ESRRG: variants seen among roughly 807,000 people sequenced by gnomAD.
ESRRG encodes estrogen related receptor gamma.
In ESRRG, 13 loss-of-function variants were observed where a neutral mutation model predicts 44.0. The observed-to-expected ratio is 0.30, with a 90% CI of 0.19 to 0.47. ESRRG has a LOEUF of 0.47. Ranked by LOEUF, ESRRG falls within the 20% of genes least tolerant of loss-of-function variation. ESRRG has a pLI of 1.00. For missense variants in ESRRG, 395 were observed against 580.6 expected (o/e 0.68, Z 3.29); for synonymous variants, 215 against 214.6 (o/e 1.00, Z -0.02).
At chr1:216,809,065 C>A (rs558438362) in intron 2 of ESRRG, among the ~76,000 whole-genome samples, 5 of 152,188 alleles carry the variant, frequency 3.3e-5, no homozygotes, top group African/African-American at 1.2e-4. Context: ...GGGTGCTACG[C>A]TAAATTTTTG....
intron 1 of ESRRG, among the ~76,000 whole-genome samples, chr1:217,072,317 G>A (rs1173655402): frequency 6.6e-6 from 1 of 152,160 alleles, no homozygotes; most frequent in Admixed American, 6.5e-5. Context: ...ATGTGTTACA[G>A]CAGAAGAAAA....
rs539436343 is a variant in ESRRG at position 217,102,882 on chromosome 1, G to A, written c.-230+34785C>T. Reference sequence around the variant, plus strand: ...ATGTAGGGGCGGGTGGGAAGAATGGGTCAAAGAAGGCTAAGCACAAGCTGA... The same window carrying A: ...ATGTAGGGGCGGGTGGGAAGAATGGATCAAAGAAGGCTAAGCACAAGCTGA... On this transcript the variant is annotated intron_variant, in intron 1 of 8. Transcript: ENST00000366940. 1.4e-4 allele frequency among the ~76,000 whole-genome samples: 22 copies of A among 152,226 alleles called. 1 individual carries two copies. The South Asian group carries it at 4.6e-3, about 32-fold the overall frequency.
chr1:217,003,480 A>C (rs1422837952), intron 1 of ESRRG, among the ~76,000 whole-genome samples: 2 of 151,284 alleles, frequency 1.3e-5, no homozygotes, highest in Non-Finnish European at 2.9e-5. Context: ...TACTCTAAAA[A>C]TAATAATTTA....
At chr1:217,072,592 T>C (rs2090703489) in intron 1 of ESRRG, among the ~76,000 whole-genome samples, 1 of 152,208 alleles carries the variant, frequency 6.6e-6, no homozygotes, top group Non-Finnish European at 1.5e-5. Flanking sequence ...TAAGCATCTT[T>C]CCCAAGGATT....
At chr1:216,748,635 T>C (rs748346567) in intron 2 of ESRRG, among the ~76,000 whole-genome samples, 3 of 152,200 alleles carry the variant, frequency 2.0e-5, no homozygotes, top group Non-Finnish European at 4.4e-5. Context: ...ATGAACATTT[T>C]GCCAATACAC....
chr1:216,817,552 A>T (rs2095177175), intron 2 of ESRRG, among the ~76,000 whole-genome samples: 1 of 152,152 alleles, frequency 6.6e-6, no homozygotes, highest in African/African-American at 2.4e-5. Flanking sequence ...ATGTTTAGGG[A>T]TTACTCGACA....
intron 1 of ESRRG, among the ~76,000 whole-genome samples, chr1:217,110,275 C>T (rs2092646703): frequency 6.6e-6 from 1 of 152,174 alleles, no homozygotes. Flanking sequence ...TATACCATTC[C>T]TGTGCTATGG....
At chr1:216,932,266 G>A (rs568469424) in intron 2 of ESRRG, among the ~76,000 whole-genome samples, 1 of 152,110 alleles carries the variant, frequency 6.6e-6, no homozygotes, top group Non-Finnish European at 1.5e-5. Context: ...TTAAGAAAAA[G>A]AGGTTAATAT....
intron 2 of ESRRG, among the ~76,000 whole-genome samples, chr1:216,861,916 A>G (rs2096060980): frequency 6.6e-6 from 1 of 152,214 alleles, no homozygotes; most frequent in Non-Finnish European, 1.5e-5. Context: ...AGGAAGATAT[A>G]TGAATGATAA....
chr1:216,994,877 G>A (rs920014967), intron 1 of ESRRG, among the ~76,000 whole-genome samples: 10 of 152,136 alleles, frequency 6.6e-5, no homozygotes, highest in Non-Finnish European at 1.5e-4. Flanking sequence ...GAGCCACCGT[G>A]CCCGGCCCCG....
chr1:216,519,631 G>A (rs1348369741), intron 5 of ESRRG, among the ~76,000 whole-genome samples: 8 of 152,002 alleles, frequency 5.3e-5, no homozygotes, highest in Admixed American at 5.2e-4. Flanking sequence ...TTTGCTATAA[G>A]TTTTATAGAC....
At chr1:216,938,109 G>C (rs900630360) in intron 2 of ESRRG, among the ~76,000 whole-genome samples, 1 of 152,086 alleles carries the variant, frequency 6.6e-6, no homozygotes, top group African/African-American at 2.4e-5. Flanking sequence ...TTCTTGAAAA[G>C]TTGAGCATGT....
intron 2 of ESRRG, among the ~76,000 whole-genome samples, chr1:216,774,700 G>T (rs2093525322): frequency 6.6e-6 from 1 of 151,894 alleles, no homozygotes; most frequent in Non-Finnish European, 1.5e-5. Context: ...CTGATTAAAA[G>T]CGTGTGAAAA....
At chr1:217,119,359 T>TG (rs2092787728) in intron 1 of ESRRG, among the ~76,000 whole-genome samples, 1 of 152,172 alleles carries the variant, frequency 6.6e-6, no homozygotes, top group Non-Finnish European at 1.5e-5. Context: ...CAAGAAACAG[T>TG]GGTAGCTCTT....
chr1:217,058,823 A>T (rs1210057947), intron 1 of ESRRG, among the ~76,000 whole-genome samples: 2 of 151,352 alleles, frequency 1.3e-5, no homozygotes, highest in African/African-American at 4.8e-5. Flanking sequence ...AACTCGGTAA[A>T]TTTGAATTGG....
intron 2 of ESRRG, among the ~76,000 whole-genome samples, chr1:216,911,906 T>C (rs2060349071): frequency 6.6e-6 from 1 of 151,440 alleles, no homozygotes; most frequent in East Asian, 2.0e-4. Flanking sequence ...CCTGACTCTA[T>C]TAAAAACACA....
Position 216,924,851 on chromosome 1 carries a change from C to A in ESRRG, c.-14+14731G>T, listed in dbSNP as rs74695395. On this transcript the variant is annotated intron_variant, in intron 2 of 7. Transcript: ENST00000359162. Reference sequence around the variant, plus strand: ...AACTTCATTATGTACCCAAGATACTCTTTTCAATTGTTCCTCAGCCCCTAG... The same window carrying A: ...AACTTCATTATGTACCCAAGATACTATTTTCAATTGTTCCTCAGCCCCTAG... 9.9e-3 allele frequency among the ~76,000 whole-genome samples: 1,505 copies of A among 152,188 alleles called. 26 individuals carry two copies. The highest frequency in any genetic ancestry group is 0.035 in the African/African-American group (1,448 of 41,508).
In ESRRG at chr1:216,637,409, G is replaced by A. The variant is rs137886220; in HGVS notation, c.589+13564C>T. Among the ~76,000 whole-genome samples the A allele has an allele frequency of 6.0e-3, 911 of 152,286 alleles. 6 individuals carry two copies. Among genetic ancestry groups the A allele is most frequent in the Non-Finnish European group, 8.6e-3 (583 of 68,030 alleles). On this transcript the variant is annotated intron_variant, in intron 3 of 6. Transcript: ENST00000408911. ...ATGCCTACAGCAAGAAATGATGCTG[G>A]ACTTTGTAAGAGCTCCAGCACGAAG... is the stretch of plus-strand genomic sequence containing the variant.
chr1:216,592,928 G>T (rs1422140216), intron 3 of ESRRG, among the ~76,000 whole-genome samples: 1 of 152,148 alleles, frequency 6.6e-6, no homozygotes, highest in Non-Finnish European at 1.5e-5. Flanking sequence ...GTATGAGATA[G>T]GTATTACTAT....
Sources: gnomAD v4.1 joint callset for allele counts (sites outside exome capture counted in the v4.1 genomes callset) on GRCh38, gnomAD v4.1.1 for gene constraint, MANE v1.5 for transcripts, NCBI Gene and HGNC (gene_info 2026-07-23, HGNC 2026-07-21) for gene names.